CSPP1: variants seen among roughly 807,000 people sequenced by gnomAD.
CSPP1 encodes centrosome and spindle pole associated protein 1, also known as centrosome and spindle pole-associated protein 1.
Under a neutral mutation model 164.4 loss-of-function variants are expected in CSPP1, and 126 were observed. The ratio of observed to expected loss-of-function variants is 0.77; its 90% confidence interval spans 0.66 to 0.89. The LOEUF (loss-of-function observed/expected upper bound fraction) is 0.89. Among genes scored for constraint, CSPP1 ranks in the 40% least tolerant of loss-of-function variants. The probability of loss-of-function intolerance (pLI) is 0.00; values close to 1 mark genes in which losing one functional copy is unlikely to be tolerated. For synonymous variants in CSPP1, 472 were observed against 476.7 expected (o/e 0.99, Z 0.13); for missense variants, 1,395 against 1,449.8 (o/e 0.96, Z 0.61).
intron 1 of CSPP1, among the ~76,000 whole-genome samples, chr8:67,067,130 C>G (rs1488373024): frequency 6.6e-6 from 1 of 152,218 alleles, no homozygotes; most frequent in Admixed American, 6.5e-5. Flanking sequence ...TTCCATTTCT[C>G]ATGCTCCCAT....
At chr8:67,120,298 G>A (rs540342840) in intron 15 of CSPP1, among the ~76,000 whole-genome samples, 1 of 152,262 alleles carries the variant, frequency 6.6e-6, no homozygotes, top group South Asian at 2.1e-4. Flanking sequence ...ATCAGAAAAT[G>A]TGAGTGCTAC....
intron 29 of CSPP1, among the ~76,000 whole-genome samples, chr8:67,191,793 T>C (rs758882925): frequency 1.3e-5 from 2 of 152,250 alleles, no homozygotes; most frequent in South Asian, 2.1e-4. Context: ...TTGGGTTATA[T>C]GGACACTTTG....
chr8:67,065,118 G>A (rs995280482), intron 1 of CSPP1, among the ~76,000 whole-genome samples: 11 of 152,172 alleles, frequency 7.2e-5, no homozygotes, highest in Non-Finnish European at 1.5e-4. Context: ...ACGTGGGAGC[G>A]CTTGTGCGCA....
At chr8:67,165,746 A>G (rs1200727551) in intron 24 of CSPP1, among the ~76,000 whole-genome samples, 1 of 152,208 alleles carries the variant, frequency 6.6e-6, no homozygotes, top group Non-Finnish European at 1.5e-5. Context: ...TGATATCCAC[A>G]TGATACCTCT....
intron 17 of CSPP1, among the ~76,000 whole-genome samples, chr8:67,142,838 T>G (rs775272699): frequency 1.1e-4 from 17 of 152,210 alleles, no homozygotes; most frequent in South Asian, 6.2e-4. Flanking sequence ...ATTATGCATC[T>G]TTAAACTTTT....
At chr8:67,180,492 G>A (rs1160737350) in intron 28 of CSPP1, among the ~76,000 whole-genome samples, 5 of 152,092 alleles carry the variant, frequency 3.3e-5, no homozygotes, top group South Asian at 2.1e-4. Flanking sequence ...TGTGGTTTGG[G>A]AACTGTTTTA....
At chr8:67,093,489 AT>A (rs200823154) in intron 5 of CSPP1, 53 bp from the exon 6 acceptor site, 268 of 1,103,390 alleles carry the variant, frequency 2.4e-4, no homozygotes, top group African/African-American at 5.8e-4. Flanking sequence ...ACATTGAGGG[AT>A]TTTTTTTTCC....
rs574316808 is a variant in CSPP1, at chr8:67,118,766, C to T, written c.1642C>T (p.Gln548Ter). 3.7e-6 allele frequency: 6 copies of T among 1,612,000 alleles called. No individual in the cohort carries two copies. The highest frequency in any genetic ancestry group is 2.2e-5 in the East Asian group (1 of 44,832). The change falls in exon 15 of 31, where the codon CAG becomes TAG. Residue 548 changes from glutamine (Q) to a stop codon, truncating the protein, a stop_gained. Transcript: ENST00000678616. LOFTEE classifies it high-confidence loss of function. ...AYYGSGMMGV[Q>*]PAAYVSAPVT... is the part of the protein sequence containing the mutation. ...AGATGGTTCAGGAATGATGGGCGTA[C>T]AGCCTGCAGCTTATGTTAGTGCTCC... is the stretch of plus-strand genomic sequence containing the variant.
chr8:67,139,152 A>G (rs1822966517), intron 17 of CSPP1, among the ~76,000 whole-genome samples: 1 of 152,228 alleles, frequency 6.6e-6, no homozygotes, highest in Non-Finnish European at 1.5e-5. Flanking sequence ...ATTTAGAAGA[A>G]AAAAACAACC....
At chr8:67,131,799 G>A in intron 15 of CSPP1, 152 bp from the exon 16 acceptor site, 1 of 610,678 alleles carries the variant, frequency 1.6e-6, no homozygotes, top group Non-Finnish European at 2.7e-6. Context: ...GCTAAGGAAG[G>A]GGTCACTTAA....
chr8:67,191,902 C>T (rs1301850987), intron 29 of CSPP1, among the ~76,000 whole-genome samples: 1 of 152,036 alleles, frequency 6.6e-6, no homozygotes, highest in East Asian at 1.9e-4. Flanking sequence ...TATATCCTGG[C>T]CATCACTTAG....
chr8:67,191,010 CCTT>C (rs1010935817), intron 29 of CSPP1, among the ~76,000 whole-genome samples: 2 of 152,206 alleles, frequency 1.3e-5, no homozygotes, highest in Non-Finnish European at 2.9e-5. Flanking sequence ...TCCCAACCTT[CCTT>C]CTTCTCCTGC....
At chr8:67,190,061 G>C (rs573447379) in intron 28 of CSPP1, among the ~76,000 whole-genome samples, 1 of 152,128 alleles carries the variant, frequency 6.6e-6, no homozygotes, top group African/African-American at 2.4e-5. Flanking sequence ...ATAATACCCA[G>C]CAATTTCATT....
Position 67,086,115 on chromosome 8 carries a change from T to G in CSPP1, c.303+5T>G. 2 of 1,189,990 alleles carry G rather than the reference T, an allele frequency of 1.7e-6. No homozygotes were observed. Among genetic ancestry groups the G allele is most frequent in the East Asian group, 4.7e-5 (2 of 42,858 alleles). The allele number at this position is 1,189,990 out of a possible 1,614,324, so 73.7% of individuals were successfully genotyped here. A position where few individuals can be genotyped will look rare whatever the true frequency, so the allele number is the denominator to read the frequency against. On this transcript the variant is annotated splice_donor_5th_base_variant and intron_variant, in intron 4 of 30. Transcript: ENST00000678616. The stretch of plus-strand genomic sequence containing the variant: ...TACAGACGTTATCTTACTCAGGTAA[T>G]GAGTTCTATTAATGAGTTGGGTTTA...
At position 67,158,440 on chromosome 8, in the gene CSPP1, T is replaced by C; in HGVS notation, c.2242-7T>C. The C allele has an allele frequency of 2.5e-6, 4 of 1,573,576 alleles. No individual in the cohort carries two copies. Among genetic ancestry groups the C allele is most frequent in the Non-Finnish European group, 3.4e-6 (4 of 1,159,880 alleles). ...TACAAGATAAATAACTAAGTTTAAT[T>C]CTTTAGATTGAGGAAAAGAAACAAA... On this transcript the variant is annotated splice_polypyrimidine_tract_variant and splice_region_variant and intron_variant, in intron 19 of 30. Transcript: ENST00000678616.
chr8:67,103,084 G>A lies in CSPP1; in HGVS notation c.971G>A (p.Gly324Glu), dbSNP rs1302082255. Residue 324 changes from glycine (G) to glutamate (E), a missense_variant, in exon 8 of 31, where the codon GGG becomes GAG. Transcript: ENST00000678616. ...AATATGCCTCCTATGGAACATGATGGGGATGTTATAGAACAGTCAAACATA... is the reference window on the plus strand; with the variant it reads ...AATATGCCTCCTATGGAACATGATGAGGATGTTATAGAACAGTCAAACATA... ...RGNMPPMEHD[G>E]DVIEQSNIRI... 4.3e-6 allele frequency: 7 copies of A among 1,611,802 alleles called. No individual in the cohort carries two copies. The highest frequency in any genetic ancestry group is 1.6e-4 in the Middle Eastern group (1 of 6,072).
At chr8:67,167,132 A>G (rs1829474828) in intron 24 of CSPP1, among the ~76,000 whole-genome samples, 2 of 152,232 alleles carry the variant, frequency 1.3e-5, no homozygotes, top group African/African-American at 4.8e-5. Context: ...CTTTCTACAC[A>G]GACACAGCAA....
Position 67,195,491 on chromosome 8 carries a change from G to T in CSPP1, c.3579G>T (p.Thr1193=). The change falls in exon 31 of 31, where the codon ACG becomes ACT. Residue 1193 remains threonine, a synonymous_variant. Coordinates refer to ENST00000678616, the MANE Select transcript of CSPP1 (RefSeq NM_001382391.1). ...GGCTCCGCCCTGGCACTTCAGAAACGCTGAAACGTTTCATGGCAGAGCAGC... is the reference window on the plus strand; with the variant it reads ...GGCTCCGCCCTGGCACTTCAGAAACTCTGAAACGTTTCATGGCAGAGCAGC... The part of the protein sequence containing the change: ...EPWLRPGTSE[T]LKRFMAEQLN... 1.2e-6 allele frequency: 2 copies of T among 1,614,184 alleles called. No individual in the cohort carries two copies. The highest frequency in any genetic ancestry group is 1.1e-5 in the South Asian group (1 of 91,086).
intron 26 of CSPP1, chr8:67,175,674 G>C: frequency 1.6e-6 from 1 of 631,796 alleles, no homozygotes; most frequent in Non-Finnish European, 2.9e-6. Flanking sequence ...ACTGTAGCCA[G>C]GAGGACTGAA....
Sources: gnomAD v4.1 joint callset for allele counts (sites outside exome capture counted in the v4.1 genomes callset) on GRCh38, gnomAD v4.1.1 for gene constraint, MANE v1.5 for transcripts, NCBI Gene and HGNC (gene_info 2026-07-23, HGNC 2026-07-21) for gene names.